APOL1: variants seen among roughly 807,000 people sequenced by gnomAD.
The protein encoded by APOL1 is apolipoprotein L1, also known as apolipoprotein L 1.
In APOL1, 17 loss-of-function variants were observed where a neutral mutation model predicts 14.9. That is an observed-to-expected ratio of 1.14 (90% CI 0.78 to 1.71). APOL1 has a LOEUF of 1.71. APOL1 is among the 40% of genes most tolerant of loss of function. The probability of loss-of-function intolerance (pLI) is 0.00; values close to 1 mark genes in which losing one functional copy is unlikely to be tolerated. For missense variants in APOL1, 523 were observed against 485.9 expected, an observed-to-expected ratio of 1.08 and a Z score of -0.72; for synonymous variants, 195 against 184.8, an observed-to-expected ratio of 1.05 and a Z score of -0.45.
intron 1 of APOL1, chr22:36,253,999 T>A: frequency 6.2e-7 from 1 of 1,614,084 alleles, no homozygotes; most frequent in Non-Finnish European, 8.5e-7. Context: ...ATTGTGAGTA[T>A]AACTACAGGA....
Position 36,266,126 on chromosome 22 carries a change from C to A in APOL1, c.*93C>A. 1 of 1,405,786 alleles carries A rather than the reference C, an allele frequency of 7.1e-7. No individual in the cohort carries two copies. The allele number at this position is 1,405,786 out of a possible 1,614,324, so 87.1% of individuals were successfully genotyped here. A position where few individuals can be genotyped will look rare whatever the true frequency, so the allele number is the denominator to read the frequency against. ...TTTTTTTCTGAGACAGAGTCTTGCT[C>A]TGTCGCCAAGTTGGAGTGCAATGGT... On this transcript the variant is annotated 3_prime_UTR_variant, in exon 6 of 6. Transcript: ENST00000397278.
chr22:36,261,401 G>C (rs2146305159), intron 4 of APOL1, among the ~76,000 whole-genome samples, 195 bp from the exon 5 acceptor site: 1 of 152,218 alleles, frequency 6.6e-6, no homozygotes, highest in East Asian at 1.9e-4. Flanking sequence ...ATCTCCAAAT[G>C]TAGTCACCTG....
chr22:36,257,952 C>A (rs886409270), intron 4 of APOL1, among the ~76,000 whole-genome samples: 1 of 152,194 alleles, frequency 6.6e-6, no homozygotes, highest in African/African-American at 2.4e-5. Flanking sequence ...TTTGCCACAT[C>A]CCCTCTGTGT....
chr22:36,266,374 C>T lies in APOL1; in HGVS notation c.*341C>T. 2.5e-6 allele frequency: 1 copy of T among 401,828 alleles called. No individual in the cohort carries two copies. Among genetic ancestry groups the T allele is most frequent in the South Asian group, 9.1e-5 (1 of 10,942 alleles). The allele number at this position is 401,828 out of a possible 1,614,324, so 24.9% of individuals were successfully genotyped here. On this transcript the variant is annotated 3_prime_UTR_variant, in exon 6 of 6. Coordinates refer to ENST00000397278, the MANE Select transcript of APOL1 (RefSeq NM_003661.4). ...AAAGTGCTGGGATTACAGGCGTGAG[C>T]CATCGCTTTTGACCCAAATGCAAAC...
rs752308337 is a variant in APOL1 at position 36,257,397 on chromosome 22, C to T, written c.177C>T (p.Thr59=). 1.2e-6 allele frequency: 2 copies of T among 1,614,050 alleles called. No homozygotes were observed. The highest frequency in any genetic ancestry group is 1.1e-5 in the South Asian group (1 of 91,080). The change falls in exon 4 of 6, where the codon ACC becomes ACT. Residue 59 remains threonine (T), a synonymous_variant. Transcript: ENST00000397278. ...CCCTCGGTGACTGGGCTGCTGGCAC[C>T]ATGGACCCAGGTAGGCTCACCTCCT... The part of the protein sequence containing the change: ...SKPLGDWAAG[T]MDPESSIFIE...
chr22:36,260,267 C>T lies in APOL1; in HGVS notation c.188-1329C>T, dbSNP rs539252669. On this transcript the variant is annotated intron_variant, in intron 4 of 5. Transcript: ENST00000397278. ...AAAAATTACCAGGCCTGGTGGCAGG[C>T]GCCTGTAGTCCCAGCTACTCAGGAG... Among the ~76,000 whole-genome samples the T allele has an allele frequency of 5.9e-5, 9 of 152,218 alleles. No individual in the cohort carries two copies. The South Asian group carries it at 1.0e-3, about 18-fold the overall frequency.
intron 2 of APOL1, among the ~76,000 whole-genome samples, chr22:36,255,852 T>C (rs2146296449): frequency 6.6e-6 from 1 of 151,360 alleles, no homozygotes; most frequent in East Asian, 1.9e-4. Context: ...TTGTTATTAT[T>C]TATAGTATCA....
chr22:36,266,071 G>A lies in APOL1; in HGVS notation c.*38G>A, dbSNP rs889205974. ...GCAGCCACCAGGAGAGATATGCCTG[G>A]CAGGGGCCAGGACAAAATGCAAACT... On this transcript the variant is annotated 3_prime_UTR_variant, in exon 6 of 6. Coordinates refer to ENST00000397278, the MANE Select transcript of APOL1 (RefSeq NM_003661.4). 1.7e-5 allele frequency: 27 copies of A among 1,543,152 alleles called. No homozygotes were observed. The highest frequency in any genetic ancestry group is 2.8e-5 in the African/African-American group (2 of 71,958).
chr22:36,254,680 G>A (rs1316651303), intron 1 of APOL1, among the ~76,000 whole-genome samples: 1 of 152,082 alleles, frequency 6.6e-6, no homozygotes, highest in Non-Finnish European at 1.5e-5. Context: ...GGCTAACATG[G>A]TGAAACCCTG....
intron 1 of APOL1, among the ~76,000 whole-genome samples, chr22:36,254,595 G>A (rs1296008757): frequency 6.6e-6 from 1 of 152,082 alleles, no homozygotes; most frequent in Non-Finnish European, 1.5e-5. Flanking sequence ...CGGGCGCGGT[G>A]GCTCACGCCT....
At position 36,265,931 on chromosome 22, in the gene APOL1, A is replaced by G; in HGVS notation, c.1095A>G (p.Ser365=). The G allele has an allele frequency of 6.2e-7, 1 of 1,614,198 alleles. No individual in the cohort carries two copies. The highest frequency in any genetic ancestry group is 1.6e-4 in the Middle Eastern group (1 of 6,062). ...ESKHLHEGAK[S]ETAEELKKVA... ...AGCACTTACATGAGGGGGCAAAGTC[A>G]GAGACAGCTGAGGAGCTGAAGAAGG... The change falls in exon 6 of 6, where the codon TCA becomes TCG. Residue 365 remains serine, a synonymous_variant. Transcript: ENST00000397278.
chr22:36,254,098 T>G, intron 1 of APOL1: 1 of 1,353,922 alleles, frequency 7.4e-7, no homozygotes, highest in Non-Finnish European at 1.0e-6. Context: ...GCTTCAATAT[T>G]AGAGTCACAA....
At chr22:36,265,086 C>T (rs1011496150) in intron 5 of APOL1, 65 bp from the exon 6 acceptor site, 3 of 1,588,678 alleles carry the variant, frequency 1.9e-6, no homozygotes, top group Admixed American at 1.7e-5. Flanking sequence ...GCTGGGATTA[C>T]AGGTGTGAGC....
intron 4 of APOL1, among the ~76,000 whole-genome samples, chr22:36,257,859 C>A (rs2015942507): frequency 6.6e-6 from 1 of 152,160 alleles, no homozygotes; most frequent in Non-Finnish European, 1.5e-5. Flanking sequence ...CTTGCCCTGC[C>A]CTAGCCCCTT....
Position 36,265,028 on chromosome 22 carries a change from G to C in APOL1, c.315-123G>C, listed in dbSNP as rs570139238. 1.2e-4 allele frequency: 156 copies of C among 1,253,924 alleles called. 2 individuals are homozygous for C. The African/African-American group carries it at 1.9e-3, about 16-fold the overall frequency. 77.7% of individuals were successfully genotyped at this position (1,253,924 alleles called of 1,614,324 possible). A position where few individuals can be genotyped will look rare whatever the true frequency, so the allele number is the denominator to read the frequency against. ...GGGTTTCACCGTATTAGTCAGGATG[G>C]TCTCAATCTCCTGACCTTGTGATCC... is the stretch of plus-strand genomic sequence containing the variant. On this transcript the variant is annotated intron_variant, in intron 5 of 5. Coordinates refer to ENST00000397278, the MANE Select transcript of APOL1 (RefSeq NM_003661.4).
intron 1 of APOL1, among the ~76,000 whole-genome samples, chr22:36,254,511 G>A (rs1295593608): frequency 1.3e-5 from 2 of 152,148 alleles, no homozygotes; most frequent in African/African-American, 4.8e-5. Context: ...AGGCTGCAAT[G>A]AGCTAGGATG....
chr22:36,256,939 A>G (rs2015900294), intron 2 of APOL1, 144 bp from the exon 3 acceptor site: 1 of 774,008 alleles, frequency 1.3e-6, no homozygotes, highest in East Asian at 2.7e-5. Context: ...GGCTATCACC[A>G]GCTAGTTATC....
At chr22:36,259,485 T>C (rs1324728058) in intron 4 of APOL1, among the ~76,000 whole-genome samples, 1 of 152,186 alleles carries the variant, frequency 6.6e-6, no homozygotes, top group Admixed American at 6.5e-5. Flanking sequence ...AAGTCAGCTC[T>C]GCTCAGGAGC....
chr22:36,261,254 A>C (rs2016062558), intron 4 of APOL1, among the ~76,000 whole-genome samples: 1 of 152,234 alleles, frequency 6.6e-6, no homozygotes, highest in Admixed American at 6.5e-5. Context: ...GGCTTATGGA[A>C]GCTGCCTTTG....
Sources: gnomAD v4.1 joint callset for allele counts (sites outside exome capture counted in the v4.1 genomes callset) on GRCh38, gnomAD v4.1.1 for gene constraint, MANE v1.5 for transcripts, NCBI Gene and HGNC (gene_info 2026-07-23, HGNC 2026-07-21) for gene names.